Variants in LIPC observed in about 807,000 individuals in gnomAD.
The protein encoded by LIPC is lipase C, hepatic type.
A neutral mutation model predicts 50.7 loss-of-function variants in LIPC; 44 were observed. The observed-to-expected ratio is 0.87, with a 90% CI of 0.68 to 1.11. The LOEUF (loss-of-function observed/expected upper bound fraction) is 1.11. Among genes scored for constraint, LIPC ranks in the 50% most tolerant of loss-of-function variants. LIPC has a pLI of 0.00. For missense variants in LIPC, 697 were observed against 648.2 expected, an observed-to-expected ratio of 1.08 and a Z score of -0.82; for synonymous variants, 271 against 256.4, an observed-to-expected ratio of 1.06 and a Z score of -0.54.
chr15:58,543,189 G>A lies in LIPC; in HGVS notation c.574+538G>A, dbSNP rs1240320260. ...TATCCAGGAAGGTCTGCACATGTGC[G>A]AGGAAGGCCTTCCTCCCAGGCTTCC... On this transcript the variant is annotated intron_variant, in intron 4 of 8. Coordinates refer to ENST00000299022, the MANE Select transcript of LIPC (RefSeq NM_000236.3). Among the ~76,000 whole-genome samples, 8 of 152,244 alleles carry A rather than the reference G, an allele frequency of 5.3e-5. No homozygotes were observed. In the East Asian group the frequency reaches 5.8e-4, roughly 11 times the overall value.
At chr15:58,547,931 G>A (rs1445722767) in intron 5 of LIPC, among the ~76,000 whole-genome samples, 1 of 152,084 alleles carries the variant, frequency 6.6e-6, no homozygotes, top group African/African-American at 2.4e-5. Flanking sequence ...CACCCTCCAG[G>A]CATCAGCACC....
At chr15:58,463,867 G>A (rs999450208) in intron 1 of LIPC, among the ~76,000 whole-genome samples, 6 of 152,050 alleles carry the variant, frequency 3.9e-5, no homozygotes, top group Admixed American at 6.6e-5. Context: ...CAAGTTTGAG[G>A]TCAATACAAA....
In LIPC at chr15:58,568,148, T is replaced by C. The variant is rs556386493; in HGVS notation, c.1389-568T>C. Among the ~76,000 whole-genome samples the C allele has an allele frequency of 1.4e-4, 22 of 152,334 alleles. 1 individual carries two copies. In the South Asian group the frequency reaches 3.5e-3, roughly 24 times the overall value. ...GCCAACAGCCAAAGCAGTCTAGTTG[T>C]TGTTTCCAAAACACATAGTAGTGTC... On this transcript the variant is annotated intron_variant, in intron 8 of 8. Transcript: ENST00000299022.
intron 1 of LIPC, among the ~76,000 whole-genome samples, chr15:58,438,736 G>A (rs1893400265): frequency 6.6e-6 from 1 of 152,250 alleles, no homozygotes; most frequent in Non-Finnish European, 1.5e-5. Context: ...TGGTCACAAA[G>A]TAGCGCAGTG....
chr15:58,515,533 C>CATATATAT (rs1555403164), intron 1 of LIPC, among the ~76,000 whole-genome samples: 57 of 141,730 alleles, frequency 4.0e-4, no homozygotes, highest in East Asian at 1.2e-3. Flanking sequence ...TATACACACA[C>CATATATAT]ATATATATAT....
intron 2 of LIPC, among the ~76,000 whole-genome samples, chr15:58,539,446 A>G (rs777768975): frequency 4.1e-4 from 63 of 152,268 alleles, no homozygotes; most frequent in Non-Finnish European, 7.2e-4. Context: ...GAAGGAGAGA[A>G]AGGATATTAT....
intron 1 of LIPC, among the ~76,000 whole-genome samples, chr15:58,441,700 T>A (rs1893513581): frequency 6.6e-6 from 1 of 152,208 alleles, no homozygotes; most frequent in Non-Finnish European, 1.5e-5. Context: ...AGGAGTCCAA[T>A]TCAATGATTC....
At chr15:58,469,456 AT>A (rs1183776226) in intron 1 of LIPC, among the ~76,000 whole-genome samples, 1 of 152,092 alleles carries the variant, frequency 6.6e-6, no homozygotes, top group Non-Finnish European at 1.5e-5. Context: ...GGGAGAGGGG[AT>A]TTGGCTTGGG....
chr15:58,515,189 C>G (rs1180333544), intron 1 of LIPC, among the ~76,000 whole-genome samples: 1 of 152,216 alleles, frequency 6.6e-6, no homozygotes, highest in Non-Finnish European at 1.5e-5. Flanking sequence ...TAATCTCCCC[C>G]TCTCAAGATC....
chr15:58,536,207 T>C (rs909995570), intron 1 of LIPC, among the ~76,000 whole-genome samples: 16 of 152,024 alleles, frequency 1.1e-4, no homozygotes, highest in Non-Finnish European at 1.9e-4. Flanking sequence ...TTTTAATGAA[T>C]GGAGCAGCAG....
chr15:58,478,578 A>T (rs567653017), intron 1 of LIPC, among the ~76,000 whole-genome samples: 8 of 152,152 alleles, frequency 5.3e-5, no homozygotes, highest in Non-Finnish European at 7.3e-5. Flanking sequence ...ACCATATAAT[A>T]TAGGTATTAC....
chr15:58,481,691 G>C (rs937475620), intron 1 of LIPC, among the ~76,000 whole-genome samples: 41 of 152,254 alleles, frequency 2.7e-4, no homozygotes, highest in African/African-American at 8.4e-4. Flanking sequence ...CCAGCTACTC[G>C]AGAGGCTGAG....
chr15:58,506,221 G>A (rs1488487386), intron 1 of LIPC, among the ~76,000 whole-genome samples: 2 of 152,184 alleles, frequency 1.3e-5, no homozygotes, highest in Non-Finnish European at 2.9e-5. Flanking sequence ...GAGAGGCTGT[G>A]CAGAAAGGAG....
intron 1 of LIPC, among the ~76,000 whole-genome samples, chr15:58,489,897 C>T (rs1277996847): frequency 6.6e-6 from 1 of 152,098 alleles, no homozygotes; most frequent in Non-Finnish European, 1.5e-5. Flanking sequence ...CTAGGAATGA[C>T]CAAGGACAGC....
At chr15:58,548,236 C>T (rs1218020388) in intron 5 of LIPC, 94 bp from the exon 6 acceptor site, 2 of 1,567,866 alleles carry the variant, frequency 1.3e-6, no homozygotes, top group Non-Finnish European at 1.8e-6. Flanking sequence ...TGTGCTACTG[C>T]TAACCTCCTG....
intron 1 of LIPC, among the ~76,000 whole-genome samples, chr15:58,513,538 TA>T (rs1249613241): frequency 6.6e-6 from 1 of 152,000 alleles, no homozygotes; most frequent in Non-Finnish European, 1.5e-5. Context: ...GCCAGCCCCC[TA>T]AAAACAGACC....
At chr15:58,524,041 A>C (rs1428378888) in intron 1 of LIPC, among the ~76,000 whole-genome samples, 1 of 152,134 alleles carries the variant, frequency 6.6e-6, no homozygotes, top group Non-Finnish European at 1.5e-5. Context: ...TCTCACCCCC[A>C]TCCCACGATG....
intron 1 of LIPC, among the ~76,000 whole-genome samples, chr15:58,449,666 A>G (rs1379380804): frequency 6.6e-6 from 1 of 151,864 alleles, no homozygotes; most frequent in African/African-American, 2.4e-5. Flanking sequence ...CAGCCTCCCA[A>G]GTAGATGGGA....
chr15:58,486,048 A>G (rs1231750068), intron 1 of LIPC, among the ~76,000 whole-genome samples: 1 of 152,236 alleles, frequency 6.6e-6, no homozygotes, highest in African/African-American at 2.4e-5. Context: ...GTGAACAGAA[A>G]GCCCACAGCA....
Sources: gnomAD v4.1 joint callset for allele counts (sites outside exome capture counted in the v4.1 genomes callset) on GRCh38, gnomAD v4.1.1 for gene constraint, MANE v1.5 for transcripts, NCBI Gene and HGNC (gene_info 2026-07-23, HGNC 2026-07-21) for gene names.